The following NFIA variants were observed in gnomAD, a reference collection of about 807,000 sequenced individuals.
The protein encoded by NFIA is nuclear factor 1 A-type.
Under a neutral mutation model 62.8 loss-of-function variants are expected in NFIA, and 8 were observed. That is an observed-to-expected ratio of 0.13 (90% CI 0.07 to 0.23). NFIA has a LOEUF of 0.23. Ranked by LOEUF, NFIA falls within the 10% of genes least tolerant of loss-of-function variation. The probability of loss-of-function intolerance (pLI) is 1.00; values close to 1 mark genes in which losing one functional copy is unlikely to be tolerated. For missense variants in NFIA, 410 were observed against 642.1 expected, an observed-to-expected ratio of 0.64 and a Z score of 3.91; for synonymous variants, 235 against 238.1, an observed-to-expected ratio of 0.99 and a Z score of 0.12.
intron 2 of NFIA, chr1:61,251,023 C>T (rs1171083021): frequency 3.9e-5 from 6 of 152,170 alleles, no homozygotes; most frequent in Non-Finnish European, 2.9e-5. Context: ...CTTATTTTCA[C>T]TTTTGTCCCA....
intron 6 of NFIA, among the ~76,000 whole-genome samples, chr1:61,367,450 T>G (rs895084509): frequency 1.3e-5 from 2 of 152,250 alleles, no homozygotes; most frequent in Non-Finnish European, 2.9e-5. Flanking sequence ...TTGGCTTTTC[T>G]TCTGCATTTA....
At chr1:61,352,895 G>T (rs1662630601) in intron 5 of NFIA, among the ~76,000 whole-genome samples, 1 of 152,074 alleles carries the variant, frequency 6.6e-6, no homozygotes, top group African/African-American at 2.4e-5. Context: ...TGTTGGTTAG[G>T]GTTGGTGAGA....
At chr1:61,309,628 C>T (rs982289771) in intron 3 of NFIA, among the ~76,000 whole-genome samples, 3 of 152,154 alleles carry the variant, frequency 2.0e-5, no homozygotes, top group African/African-American at 7.2e-5. Flanking sequence ...CAGTGGCTAA[C>T]GCCTATAATC....
intron 2 of NFIA, among the ~76,000 whole-genome samples, chr1:61,240,772 CA>C (rs202042827): frequency 3.4e-3 from 518 of 152,180 alleles, no homozygotes; most frequent in Non-Finnish European, 5.3e-3. Context: ...CACACCAGTG[CA>C]AAATTGTCAT....
intron 2 of NFIA, among the ~76,000 whole-genome samples, chr1:61,105,959 TAA>T (rs75987796): frequency 2.0e-5 from 3 of 150,926 alleles, no homozygotes; most frequent in African/African-American, 7.3e-5. Context: ...TTCACTTGGT[TAA>T]AAAAAAATTG....
chr1:61,245,096 T>C (rs1655560779), intron 2 of NFIA, among the ~76,000 whole-genome samples: 1 of 152,188 alleles, frequency 6.6e-6, no homozygotes, highest in South Asian at 2.1e-4. Flanking sequence ...CTTCAAAATA[T>C]AAGCAGAAAT....
intron 2 of NFIA, among the ~76,000 whole-genome samples, chr1:61,126,275 A>T (rs187177378): frequency 1.2e-3 from 177 of 152,172 alleles, no homozygotes; most frequent in African/African-American, 4.1e-3. Flanking sequence ...CTTTTATTTA[A>T]CTGAAATCTG....
chr1:61,083,529 G>T (rs1646159119), intron 1 of NFIA, among the ~76,000 whole-genome samples: 1 of 151,958 alleles, frequency 6.6e-6, no homozygotes, highest in African/African-American at 2.4e-5. Flanking sequence ...GGCTGAGCGG[G>T]GCTACGTGGA....
At chr1:61,129,491 C>T (rs556453074) in intron 2 of NFIA, among the ~76,000 whole-genome samples, 1 of 150,778 alleles carries the variant, frequency 6.6e-6, no homozygotes, top group South Asian at 2.1e-4. Context: ...ACTCTGTCGC[C>T]CTGGCTGGAG....
intron 5 of NFIA, among the ~76,000 whole-genome samples, chr1:61,354,026 T>C (rs9436209): frequency 6.6e-6 from 1 of 152,268 alleles, no homozygotes; most frequent in African/African-American, 2.4e-5. Context: ...ATGGGCTGTT[T>C]GTTTTTCATG....
chr1:61,088,787 G>A lies in NFIA; in HGVS notation c.559+107G>A, dbSNP rs1019568593. 4.0e-5 allele frequency: 52 copies of A among 1,285,150 alleles called. No homozygotes were observed. The highest frequency in any genetic ancestry group is 5.1e-5 in the Non-Finnish European group (48 of 938,446). 79.6% of individuals were successfully genotyped at this position (1,285,150 alleles called of 1,614,324 possible). Reference sequence around the variant, plus strand: ...CTGAGCTCCCCAAGTTGCAGGCCACGTACATGAAGCCAGTGTGGTTTCAAA... The same window carrying A: ...CTGAGCTCCCCAAGTTGCAGGCCACATACATGAAGCCAGTGTGGTTTCAAA... On this transcript the variant is annotated intron_variant, in intron 2 of 10. Transcript: ENST00000403491. The surrounding 1 kb of genome is among the most constrained non-coding windows in gnomAD (Gnocchi z 4.5).
intron 2 of NFIA, among the ~76,000 whole-genome samples, chr1:61,231,278 A>G (rs1272816981): frequency 6.6e-6 from 1 of 152,234 alleles, no homozygotes; most frequent in African/African-American, 2.4e-5. Flanking sequence ...ATGACTGGAT[A>G]TAAAGTATCA....
At position 61,362,631 on chromosome 1, in the gene NFIA, G is replaced by C. The variant is rs372390379; in HGVS notation, c.946+3357G>C. ...TTTTGTAGTATCCTGTTCCCCATTA[G>C]TTTATCTCAGCACTTTTAGTGCACA... On this transcript the variant is annotated intron_variant, in intron 6 of 10. Coordinates refer to ENST00000403491, the MANE Select transcript of NFIA (RefSeq NM_001134673.4). Among the ~76,000 whole-genome samples the C allele has an allele frequency of 2.5e-4, 38 of 152,300 alleles. 1 individual carries two copies. In the East Asian group the frequency reaches 6.7e-3, roughly 27 times the overall value.
intron 2 of NFIA, among the ~76,000 whole-genome samples, chr1:61,244,363 C>T (rs1195074149): frequency 6.6e-6 from 1 of 152,140 alleles, no homozygotes; most frequent in Non-Finnish European, 1.5e-5. Flanking sequence ...TATTTAGTGT[C>T]CTTCTGCCAA....
intron 2 of NFIA, among the ~76,000 whole-genome samples, chr1:61,174,635 A>G (rs1650199724): frequency 1.3e-5 from 2 of 152,158 alleles, no homozygotes; most frequent in South Asian, 4.1e-4. Flanking sequence ...TGCATTGAAA[A>G]CTGAGAAAGA....
intron 2 of NFIA, among the ~76,000 whole-genome samples, chr1:61,128,087 G>A (rs1258944813): frequency 6.6e-6 from 1 of 152,054 alleles, no homozygotes; most frequent in Non-Finnish European, 1.5e-5. Flanking sequence ...CTTGTACTGA[G>A]CACCTAATAC....
chr1:61,430,644 C>G (rs1328348229), intron 10 of NFIA, among the ~76,000 whole-genome samples: 8 of 90,730 alleles, frequency 8.8e-5, no homozygotes, highest in Non-Finnish European at 1.5e-4. Flanking sequence ...CTCCTCTTTC[C>G]CTTGTAGTCT....
chr1:61,250,818 G>T (rs1365399249), intron 2 of NFIA, among the ~76,000 whole-genome samples: 3 of 152,164 alleles, frequency 2.0e-5, no homozygotes, highest in Non-Finnish European at 4.4e-5. Flanking sequence ...TTTACTACAG[G>T]ATAACATGAT....
At chr1:61,302,302 A>G (rs1659536487) in intron 3 of NFIA, among the ~76,000 whole-genome samples, 1 of 152,174 alleles carries the variant, frequency 6.6e-6, no homozygotes. Context: ...TATACTGTTA[A>G]ACATAACAGT....
Sources: allele counts gnomAD v4.1 joint callset (sites outside exome capture counted in the v4.1 genomes callset), GRCh38; gene constraint gnomAD v4.1.1; non-coding constraint Gnocchi (gnomAD v3.1); transcripts MANE v1.5; gene names NCBI Gene and HGNC (gene_info 2026-07-23, HGNC 2026-07-21).